CELF6: variants seen among roughly 807,000 people sequenced by gnomAD.
CELF6 encodes the protein Bruno -like 6, RNA binding protein.
In CELF6, 32 loss-of-function variants were observed where a neutral mutation model predicts 53.1. The ratio of observed to expected loss-of-function variants is 0.60; its 90% CI spans 0.46 to 0.81. The LOEUF (loss-of-function observed/expected upper bound fraction) is 0.81. CELF6 is among the 30% of genes least tolerant of loss of function. The pLI is 0.00. For synonymous variants in CELF6, 291 were observed against 288.8 expected (o/e 1.01, Z -0.08); for missense variants, 539 against 669.5 (o/e 0.81, Z 2.15).
rs1041504754 is a variant in CELF6, at chr15:72,312,636, CACAAAAA to C, written c.345+3202_345+3208del. Reference sequence around the variant, plus strand: ...AGAATGAGGCTGTGTCTCAAAAAAACACAAAAAACAAAAAACAAACCATGAAATTCCC... The same window carrying C: ...AGAATGAGGCTGTGTCTCAAAAAAACACAAAAAACAAACCATGAAATTCCC... On this transcript the variant is annotated intron_variant, in intron 2 of 12. Coordinates refer to ENST00000287202, the MANE Select transcript of CELF6 (RefSeq NM_052840.5). Among the ~76,000 whole-genome samples the C allele has an allele frequency of 3.9e-5, 6 of 152,242 alleles. No individual in the cohort carries two copies. The South Asian group carries it at 1.0e-3, about 26-fold the overall frequency.
chr15:72,287,406 G>A lies in CELF6; in HGVS notation c.1319-14C>T. The A allele has an allele frequency of 6.2e-7, 1 of 1,613,530 alleles. No homozygotes were observed. ...AACTAACAAACCCTGGAGGGTGTGG[G>A]CAAAGAGATTAGCTGGGGACTCTGC... On this transcript the variant is annotated splice_polypyrimidine_tract_variant and intron_variant, in intron 11 of 12. Transcript: ENST00000287202.
Position 72,288,638 on chromosome 15 carries a change from T to C in CELF6, c.1094-20A>G. 1.3e-6 allele frequency: 2 copies of C among 1,550,674 alleles called. No individual in the cohort carries two copies. The highest frequency in any genetic ancestry group is 1.7e-6 in the Non-Finnish European group (2 of 1,148,122). On this transcript the variant is annotated intron_variant, in intron 9 of 12. Coordinates refer to ENST00000287202, the MANE Select transcript of CELF6 (RefSeq NM_052840.5). The surrounding 1 kb of genome is among the most constrained non-coding windows in gnomAD (Gnocchi z 4.6). ...AGGCTGCTGGAGACAGAGGTGGGAG[T>C]GGACAGTGATCCCCAGGAGCCCTTC...
Position 72,288,909 on chromosome 15 carries a change from T to A in CELF6, c.1052A>T (p.Asp351Val). The A allele has an allele frequency of 6.4e-7, 1 of 1,550,654 alleles. No homozygotes were observed. The highest frequency in any genetic ancestry group is 2.4e-5 in the East Asian group (1 of 40,928). ...PYPAQSPGVA[D>V]PLQQAYAGMH... ...CCCAGCGTAGGCCTGCTGCAGGGGGTCAGCCACGCCGGGGCTCTGGGCTGG... is the reference window on the plus strand; with the variant it reads ...CCCAGCGTAGGCCTGCTGCAGGGGGACAGCCACGCCGGGGCTCTGGGCTGG... The change falls in exon 9 of 13, where the codon GAC (aspartate) becomes GTC (valine). Residue 351 changes from aspartate (D) to valine (V), a missense_variant. Asp to Val is a radical substitution (Grantham distance 152). This residue lies in a region of CELF6 where 358 missense variants were observed against 412.8 expected (regional missense o/e 0.87). Transcript: ENST00000287202. The surrounding 1 kb of genome is among the most constrained non-coding windows in gnomAD (Gnocchi z 4.6).
At chr15:72,317,233 A>G (rs920994864) in intron 1 of CELF6, among the ~76,000 whole-genome samples, 2 of 152,162 alleles carry the variant, frequency 1.3e-5, no homozygotes, top group Non-Finnish European at 2.9e-5. Flanking sequence ...CTGTGAGATG[A>G]TAAGATCTGT....
At chr15:72,293,093 CAG>C (rs1486746435) in intron 3 of CELF6, among the ~76,000 whole-genome samples, 1 of 152,150 alleles carries the variant, frequency 6.6e-6, no homozygotes, top group South Asian at 2.1e-4. Flanking sequence ...CTGGGATGTA[CAG>C]AGTTTGGAAT....
chr15:72,311,122 ATTCTT>A (rs1314122658), intron 2 of CELF6, among the ~76,000 whole-genome samples: 2 of 151,182 alleles, frequency 1.3e-5, no homozygotes, highest in African/African-American at 4.9e-5. Flanking sequence ...ATTTCTTTTT[ATTCTT>A]TTCTTTATTC....
intron 3 of CELF6, among the ~76,000 whole-genome samples, chr15:72,300,913 G>C (rs2088146693): frequency 1.3e-5 from 2 of 151,832 alleles, no homozygotes; most frequent in African/African-American, 4.8e-5. Flanking sequence ...AATTATGATA[G>C]GTTTGGTAGG....
chr15:72,299,156 G>T (rs1409062733), intron 3 of CELF6, among the ~76,000 whole-genome samples: 1 of 142,188 alleles, frequency 7.0e-6, no homozygotes, highest in East Asian at 2.1e-4. Context: ...GTACCTTGCA[G>T]TGAGCCGAGT....
intron 1 of CELF6, among the ~76,000 whole-genome samples, chr15:72,318,237 G>A (rs1472499083): frequency 6.6e-6 from 1 of 152,188 alleles, no homozygotes; most frequent in African/African-American, 2.4e-5. Flanking sequence ...AAGGGTGGAA[G>A]CTGTACTCCT....
Position 72,319,778 on chromosome 15 carries a change from T to A in CELF6, c.97A>T (p.Asn33Tyr). 1 of 1,576,196 alleles carries A rather than the reference T, an allele frequency of 6.3e-7. No homozygotes were observed. Among genetic ancestry groups the A allele is most frequent in the South Asian group, 1.2e-5 (1 of 86,510 alleles). The change falls in exon 1 of 13, where the codon AAC becomes TAC. Residue 33 changes from asparagine to tyrosine, a missense_variant. Physicochemically the swap from Asn to Tyr is moderately radical, Grantham distance 143. Transcript: ENST00000287202. The surrounding 1 kb of genome is among the most constrained non-coding windows in gnomAD (Gnocchi z 5.0). Reference sequence around the variant, plus strand: ...TTCATGGGTACGGCGGGACCGGGGTTTAGCCCGCTCATGCCGACGCCGCTG... The same window carrying A: ...TTCATGGGTACGGCGGGACCGGGGTATAGCCCGCTCATGCCGACGCCGCTG... ...ADSGVGMSGL[N>Y]PGPAVPMKDH...
At chr15:72,312,577 T>C (rs950152848) in intron 2 of CELF6, among the ~76,000 whole-genome samples, 10 of 152,016 alleles carry the variant, frequency 6.6e-5, no homozygotes, top group African/African-American at 2.4e-4. Context: ...TGCAGTGAGC[T>C]GAGATGGCAC....
intron 3 of CELF6, among the ~76,000 whole-genome samples, chr15:72,299,942 G>T (rs1365954317): frequency 6.6e-6 from 1 of 152,194 alleles, no homozygotes; most frequent in Non-Finnish European, 1.5e-5. Context: ...AAGGCTGCGG[G>T]AGATGGCCAT....
At position 72,285,475 on chromosome 15, in the gene CELF6, T is replaced by G. The variant is rs901854958; in HGVS notation, c.*896A>C. The G allele has an allele frequency of 5.9e-5, 9 of 152,254 alleles. No individual in the cohort carries two copies. The highest frequency in any genetic ancestry group is 2.2e-4 in the African/African-American group (9 of 41,444). The allele number at this position is 152,254 out of a possible 1,614,324, so 9.4% of individuals were successfully genotyped here. Reference sequence around the variant, plus strand: ...TCAAGGGGAAGGGAAACAGGAGGTGTCTCAGCTCAGCCAAAGGCAGGGCCT... The same window carrying G: ...TCAAGGGGAAGGGAAACAGGAGGTGGCTCAGCTCAGCCAAAGGCAGGGCCT... On this transcript the variant is annotated 3_prime_UTR_variant, in exon 13 of 13. Transcript: ENST00000287202.
chr15:72,299,869 G>C (rs2088129583), intron 3 of CELF6, among the ~76,000 whole-genome samples: 1 of 152,134 alleles, frequency 6.6e-6, no homozygotes, highest in African/African-American at 2.4e-5. Flanking sequence ...TACATTAAAA[G>C]GCTGCTATAA....
chr15:72,319,917 C>A lies in CELF6; in HGVS notation c.-43G>T. On this transcript the variant is annotated 5_prime_UTR_variant, in exon 1 of 13. Coordinates refer to ENST00000287202, the MANE Select transcript of CELF6 (RefSeq NM_052840.5). The surrounding 1 kb of genome is among the most constrained non-coding windows in gnomAD (Gnocchi z 5.0). ...CCTCCCGCCGGTCCCACTGGTCCCGCCTGTCCCGCCGTCCCCTCCCTGGAC... is the reference window on the plus strand; with the variant it reads ...CCTCCCGCCGGTCCCACTGGTCCCGACTGTCCCGCCGTCCCCTCCCTGGAC... 1.4e-6 allele frequency: 2 copies of A among 1,418,228 alleles called. No homozygotes were observed. The highest frequency in any genetic ancestry group is 1.5e-5 in the African/African-American group (1 of 66,510). 87.9% of individuals were successfully genotyped at this position (1,418,228 alleles called of 1,614,324 possible).
rs190207741 is a variant in CELF6 at position 72,293,033 on chromosome 15, T to A, written c.395-2778A>T. On this transcript the variant is annotated intron_variant, in intron 3 of 12. Coordinates refer to ENST00000287202, the MANE Select transcript of CELF6 (RefSeq NM_052840.5). ...CAGAGTGAGACTCCAACTAAAAAAA[T>A]TTTTTTTTCCATTTCCCTGTCAGGG... 5.7e-3 allele frequency among the ~76,000 whole-genome samples: 865 copies of A among 151,946 alleles called. 3 individuals carry two copies. The highest frequency in any genetic ancestry group is 7.2e-3 in the Non-Finnish European group (491 of 67,914).
At chr15:72,297,618 T>C (rs2088098169) in intron 3 of CELF6, among the ~76,000 whole-genome samples, 1 of 152,222 alleles carries the variant, frequency 6.6e-6, no homozygotes. Context: ...AACTTGAAGA[T>C]AGGCTAAGTG....
chr15:72,305,732 T>G (rs953184944), intron 2 of CELF6, among the ~76,000 whole-genome samples: 3 of 152,182 alleles, frequency 2.0e-5, no homozygotes. Context: ...CTTAGAGCTC[T>G]GTGTCTCCAG....
chr15:72,315,517 C>T (rs2088351347), intron 2 of CELF6, among the ~76,000 whole-genome samples: 1 of 152,186 alleles, frequency 6.6e-6, no homozygotes, highest in South Asian at 2.1e-4. Flanking sequence ...CATGTATCTG[C>T]ATACATGCTC....
Sources: allele counts gnomAD v4.1 joint callset (sites outside exome capture counted in the v4.1 genomes callset), GRCh38; gene constraint gnomAD v4.1.1; regional missense constraint gnomAD v4.1.1; non-coding constraint Gnocchi (gnomAD v3.1); transcripts MANE v1.5; gene names NCBI Gene and HGNC (gene_info 2026-07-23, HGNC 2026-07-21).